DLAT: variants seen among roughly 807,000 people sequenced by gnomAD.
DLAT encodes dihydrolipoamide S-acetyltransferase, also known as dihydrolipoyllysine-residue acetyltransferase component of pyruvate dehydrogenase complex, mitochondrial.
DLAT carries 43 observed loss-of-function variants against 68.0 expected under a neutral mutation model. The observed-to-expected ratio is 0.63, with a 90% CI of 0.50 to 0.81. DLAT has a LOEUF of 0.81. Among genes scored for constraint, DLAT ranks in the 40% least tolerant of loss-of-function variants. The pLI, the probability that DLAT is intolerant of heterozygous loss-of-function variation, is 0.00. For missense variants in DLAT, 745 were observed against 815.4 expected (o/e 0.91, Z 1.05); for synonymous variants, 265 against 288.6 (o/e 0.92, Z 0.83).
At chr11:112,058,177 G>A (rs1031031434) in intron 11 of DLAT, among the ~76,000 whole-genome samples, 5 of 152,110 alleles carry the variant, frequency 3.3e-5, no homozygotes, top group African/African-American at 1.2e-4. Flanking sequence ...AACATGTACT[G>A]TTTACTGGAT....
chr11:112,031,779 C>G (rs1294149512), intron 4 of DLAT, among the ~76,000 whole-genome samples: 2 of 137,040 alleles, frequency 1.5e-5, no homozygotes, highest in Non-Finnish European at 3.1e-5. Context: ...GAGGTTACAT[C>G]ATGTTGCTCA....
rs782014091 is a variant in DLAT, at chr11:112,064,195, C to T, written c.*1660C>T. On this transcript the variant is annotated 3_prime_UTR_variant, in exon 14 of 14. Coordinates refer to ENST00000280346, the MANE Select transcript of DLAT (RefSeq NM_001931.5). Reference sequence around the variant, plus strand: ...AAAACTTCAAAGATAATTCATCTTTCGCTAATGCTTGTGGTTCTGTTGTTC... The same window carrying T: ...AAAACTTCAAAGATAATTCATCTTTTGCTAATGCTTGTGGTTCTGTTGTTC... 2.4e-5 allele frequency: 37 copies of T among 1,570,316 alleles called. No individual in the cohort carries two copies. The highest frequency in any genetic ancestry group is 7.1e-5 in the South Asian group (6 of 84,854).
intron 10 of DLAT, among the ~76,000 whole-genome samples, chr11:112,048,021 A>G (rs1863415054): frequency 6.6e-6 from 1 of 152,170 alleles, no homozygotes; most frequent in Admixed American, 6.5e-5. Context: ...TGGTTGCTTG[A>G]TGAAGATAGC....
At chr11:112,034,066 A>C (rs1198853708) in intron 5 of DLAT, among the ~76,000 whole-genome samples, 4 of 152,224 alleles carry the variant, frequency 2.6e-5, no homozygotes, top group African/African-American at 9.6e-5. Context: ...CAGATTTGTC[A>C]GTTCCATCCT....
intron 5 of DLAT, among the ~76,000 whole-genome samples, chr11:112,036,207 T>TG (rs1566617866): frequency 6.9e-4 from 30 of 43,786 alleles, no homozygotes; most frequent in African/African-American, 2.2e-3. Context: ...GTGTGTTTTT[T>TG]TTTTTTTTTT....
At chr11:112,029,930 A>G (rs943043330) in intron 4 of DLAT, 1 of 749,000 alleles carries the variant, frequency 1.3e-6, no homozygotes, top group Non-Finnish European at 2.4e-6. Flanking sequence ...CTAGAAGTCC[A>G]TCAGTGATTT....
At chr11:112,048,443 T>C (rs1445335056) in intron 10 of DLAT, among the ~76,000 whole-genome samples, 2 of 152,230 alleles carry the variant, frequency 1.3e-5, no homozygotes, top group Non-Finnish European at 2.9e-5. Flanking sequence ...CTTTTTCTAT[T>C]TGAATACTCT....
At chr11:112,026,129 A>T in intron 1 of DLAT, 69 bp from the exon 2 acceptor site, 1 of 1,212,296 alleles carries the variant, frequency 8.2e-7, no homozygotes, top group Non-Finnish European at 1.2e-6. Flanking sequence ...GAATTGAATG[A>T]AATCTTAAGC....
rs1311809853 is a variant in DLAT at position 112,036,167 on chromosome 11, A to ATGTGTGTGTG, written c.788-1080_788-1071dup. ...TATATATATATATGTGTGTGTATAT[A>ATGTGTGTGTG]TGTGTGTGTGTGTGTGTGTGTGTGT... On this transcript the variant is annotated intron_variant, in intron 5 of 13. Coordinates refer to ENST00000280346, the MANE Select transcript of DLAT (RefSeq NM_001931.5). Among the ~76,000 whole-genome samples the ATGTGTGTGTG allele has an allele frequency of 4.1e-4, 34 of 82,568 alleles. 1 individual carries two copies. The highest frequency in any genetic ancestry group is 7.6e-4 in the African/African-American group (14 of 18,484). The allele number at this position is 82,568 out of a possible 152,430, so 54.2% of individuals were successfully genotyped here. A position where few individuals can be genotyped will look rare whatever the true frequency, so the allele number is the denominator to read the frequency against.
intron 7 of DLAT, among the ~76,000 whole-genome samples, chr11:112,041,558 A>G (rs1454920991): frequency 1.3e-5 from 2 of 152,306 alleles, no homozygotes; most frequent in East Asian, 1.9e-4. Context: ...CTGAAATGGG[A>G]AAGAGTTTAG....
In DLAT at chr11:112,037,399, A is replaced by T. The variant is rs1555180607; in HGVS notation, c.914A>T (p.Asp305Val). ...EKEADISAFA[D>V]YRPTEVTDLK... ...GAGGCAGATATATCAGCATTTGCTG[A>T]CTATAGGCCAACCGAAGTAACAGAT... Residue 305 changes from aspartate (D) to valine (V), a missense_variant, in exon 6 of 14, where the codon GAC (aspartate) becomes GTC (valine). By Grantham distance (152) the Asp-to-Val change is radical. Transcript: ENST00000280346. 6.2e-7 allele frequency: 1 copy of T among 1,614,204 alleles called. No homozygotes were observed.
At chr11:112,036,109 A>ATG (rs781863920) in intron 5 of DLAT, among the ~76,000 whole-genome samples, 19 of 146,848 alleles carry the variant, frequency 1.3e-4, no homozygotes, top group Admixed American at 1.2e-3. Context: ...ATATATATAT[A>ATG]TCTCCAGACT....
intron 5 of DLAT, chr11:112,036,962 T>C: frequency 2.9e-6 from 1 of 345,976 alleles, no homozygotes; most frequent in South Asian, 3.2e-5. Context: ...CTGTCTGTAA[T>C]CTTTCATAGT....
chr11:112,039,694 T>C (rs1555180872), intron 7 of DLAT, among the ~76,000 whole-genome samples: 1 of 152,158 alleles, frequency 6.6e-6, no homozygotes, highest in African/African-American at 2.4e-5. Context: ...TAAAATTTGG[T>C]TATGGGACTT....
chr11:112,057,288 T>C (rs1456739080), intron 11 of DLAT, among the ~76,000 whole-genome samples: 1 of 152,204 alleles, frequency 6.6e-6, no homozygotes, highest in Non-Finnish European at 1.5e-5. Flanking sequence ...TTAGTAACTC[T>C]ACAATGGCCT....
Position 112,033,428 on chromosome 11 carries a change from A to G in DLAT, c.685A>G (p.Thr229Ala). 2.5e-6 allele frequency: 4 copies of G among 1,613,816 alleles called. No homozygotes were observed. The highest frequency in any genetic ancestry group is 3.4e-6 in the Non-Finnish European group (4 of 1,179,846). The change falls in exon 5 of 14, where the codon ACC (threonine) becomes GCC (alanine). Residue 229 changes from threonine to alanine, a missense_variant. Coordinates refer to ENST00000280346, the MANE Select transcript of DLAT (RefSeq NM_001931.5). Reference sequence around the variant, plus strand: ...GGTACTTCTTCCTGCCCTCTCTCCCACCATGACCATGGGCACAGTTCAGAG... The same window carrying G: ...GGTACTTCTTCCTGCCCTCTCTCCCGCCATGACCATGGGCACAGTTCAGAG... The part of the protein sequence containing the change: ...MQVLLPALSP[T>A]MTMGTVQRWE...
At position 112,064,102 on chromosome 11, in the gene DLAT, T is replaced by TA; in HGVS notation, c.*1568dup. The TA allele has an allele frequency of 7.6e-7, 1 of 1,314,818 alleles. No individual in the cohort carries two copies. Among genetic ancestry groups the TA allele is most frequent in the Non-Finnish European group, 1.0e-6 (1 of 968,012 alleles). The allele number at this position is 1,314,818 out of a possible 1,614,324, so 81.4% of individuals were successfully genotyped here. Reference sequence around the variant, plus strand: ...TAATTAGTAATTTTAGGTTGAAGATTATCCAAAAGAAACAAGCTTATCACA... The same window carrying TA: ...TAATTAGTAATTTTAGGTTGAAGATTAATCCAAAAGAAACAAGCTTATCACA... On this transcript the variant is annotated 3_prime_UTR_variant, in exon 14 of 14. Transcript: ENST00000280346.
In DLAT at chr11:112,026,304, G is replaced by GTTTTTTT; in HGVS notation, c.381+16_381+22dup. The GTTTTTTT allele has an allele frequency of 9.6e-7, 1 of 1,038,564 alleles. No individual in the cohort carries two copies. Among genetic ancestry groups the GTTTTTTT allele is most frequent in the Non-Finnish European group, 1.3e-6 (1 of 771,488 alleles). The allele number at this position is 1,038,564 out of a possible 1,614,324, so 64.3% of individuals were successfully genotyped here. A position where few individuals can be genotyped will look rare whatever the true frequency, so the allele number is the denominator to read the frequency against. On this transcript the variant is annotated splice_donor_region_variant and intron_variant, in intron 2 of 13. Coordinates refer to ENST00000280346, the MANE Select transcript of DLAT (RefSeq NM_001931.5). ...GAAGGTGACCTAATTGCAGAGGTAA[G>GTTTTTTT]TTTTTTTTTTTTTTTTTAATTAATT...
rs782644154 is a variant in DLAT, at chr11:112,029,843, C to T, written c.660+898C>T. ...TTCAGTCTTGGTCTGGACTACATCT[C>T]CCCGCACTTTGAGATCACCACAGTA... On this transcript the variant is annotated intron_variant, in intron 4 of 13. Coordinates refer to ENST00000280346, the MANE Select transcript of DLAT (RefSeq NM_001931.5). 11 of 598,382 alleles carry T rather than the reference C, an allele frequency of 1.8e-5. No individual in the cohort carries two copies. In the African/African-American group the frequency reaches 2.0e-4, roughly 11 times the overall value. 37.1% of individuals were successfully genotyped at this position (598,382 alleles called of 1,614,324 possible). A position where few individuals can be genotyped will look rare whatever the true frequency, so the allele number is the denominator to read the frequency against.
Sources: allele counts gnomAD v4.1 joint callset (sites outside exome capture counted in the v4.1 genomes callset), GRCh38; gene constraint gnomAD v4.1.1; transcripts MANE v1.5; gene names NCBI Gene and HGNC (gene_info 2026-07-23, HGNC 2026-07-21).